The following ATP2C1 variants were observed in gnomAD, a reference collection of about 807,000 sequenced individuals.
ATP2C1 encodes the protein calcium-transporting ATPase type 2C member 1.
In ATP2C1, 31 loss-of-function variants were observed where a neutral mutation model predicts 120.5. The observed-to-expected ratio is 0.26, with a 90% CI of 0.19 to 0.35. The LOEUF is 0.35. Among genes scored for constraint, ATP2C1 ranks in the 10% least tolerant of loss-of-function variants. The pLI, the probability that ATP2C1 is intolerant of heterozygous loss-of-function variation, is 1.00. For synonymous variants in ATP2C1, 351 were observed against 358.7 expected, an observed-to-expected ratio of 0.98 and a Z score of 0.24; for missense variants, 731 against 1,107.5, an observed-to-expected ratio of 0.66 and a Z score of 4.83.
chr3:130,941,059 T>C (rs1011804244), intron 7 of ATP2C1, among the ~76,000 whole-genome samples: 4 of 151,604 alleles, frequency 2.6e-5, no homozygotes, highest in Non-Finnish European at 5.9e-5. Flanking sequence ...GGACTACAGG[T>C]GCCTGCCACC....
chr3:130,870,356 C>G (rs1423693870), intron 1 of ATP2C1, among the ~76,000 whole-genome samples: 1 of 152,180 alleles, frequency 6.6e-6, no homozygotes, highest in Non-Finnish European at 1.5e-5. Context: ...TTTCATAAGG[C>G]TATAGCTACC....
chr3:130,988,856 C>T (rs1486216815), intron 20 of ATP2C1, among the ~76,000 whole-genome samples: 1 of 152,176 alleles, frequency 6.6e-6, no homozygotes, highest in Non-Finnish European at 1.5e-5. Flanking sequence ...GACCAAGTCT[C>T]CACTTCAGTC....
intron 2 of ATP2C1, among the ~76,000 whole-genome samples, chr3:130,926,703 C>G (rs904280087): frequency 1.3e-5 from 2 of 152,268 alleles, no homozygotes; most frequent in Non-Finnish European, 2.9e-5. Context: ...TTATCACACA[C>G]ACTCACGCTC....
rs756019367 is a variant in ATP2C1, at chr3:130,987,107, T to TA, written c.1840-5829dup. Among the ~76,000 whole-genome samples the TA allele has an allele frequency of 2.4e-3, 325 of 137,052 alleles. 1 individual carries two copies. The highest frequency in any genetic ancestry group is 2.9e-3 in the South Asian group (12 of 4,188). 89.9% of individuals were successfully genotyped at this position (137,052 alleles called of 152,430 possible). On this transcript the variant is annotated intron_variant, in intron 20 of 27. Coordinates refer to ENST00000510168, the MANE Select transcript of ATP2C1 (RefSeq NM_001378687.1). ...GTGCTCACCACTATGCTTGGGTAAT[T>TA]AAAAAAAAAAAAAAAGAAAGAAAAT...
chr3:130,912,638 C>CT (rs1209353096), intron 2 of ATP2C1, among the ~76,000 whole-genome samples: 3 of 137,772 alleles, frequency 2.2e-5, no homozygotes, highest in East Asian at 2.2e-4. Context: ...AATAGGAACA[C>CT]TTTTACACTG....
intron 1 of ATP2C1, among the ~76,000 whole-genome samples, chr3:130,879,270 T>C (rs554697450): frequency 1.3e-5 from 2 of 152,270 alleles, no homozygotes; most frequent in South Asian, 2.1e-4. Context: ...CGTTTCTCCA[T>C]GTTGGCCAGG....
At chr3:130,982,490 A>G (rs1480434767) in intron 20 of ATP2C1, among the ~76,000 whole-genome samples, 1 of 152,214 alleles carries the variant, frequency 6.6e-6, no homozygotes, top group African/African-American at 2.4e-5. Flanking sequence ...GAAGTGCCCC[A>G]TAAGAGGTGG....
chr3:130,867,609 T>C (rs989705466), intron 1 of ATP2C1, among the ~76,000 whole-genome samples: 1 of 151,450 alleles, frequency 6.6e-6, no homozygotes, highest in African/African-American at 2.4e-5. Flanking sequence ...GTGCCCAGGC[T>C]GGAGTGCAGT....
Position 130,959,338 on chromosome 3 carries a change from T to A in ATP2C1, c.896T>A (p.Val299Glu). 6.2e-7 allele frequency: 1 copy of A among 1,600,946 alleles called. No individual in the cohort carries two copies. The highest frequency in any genetic ancestry group is 8.6e-7 in the Non-Finnish European group (1 of 1,168,682). The change falls in exon 12 of 28, where the codon GTA (valine) becomes GAA (glutamate). Residue 299 changes from valine (V) to glutamate (E), a missense_variant. Coordinates refer to ENST00000510168, the MANE Select transcript of ATP2C1 (RefSeq NM_001378687.1). ...KDILEMFTISVSLAVAAIPEG... is the reference protein window; with the variant it reads ...KDILEMFTISESLAVAAIPEG... ...ATCCTGGAAATGTTTACTATTAGTG[T>A]AAGGTAAGTCTCAATACTTTATAAT...
chr3:130,939,383 G>A (rs1353032421), intron 6 of ATP2C1, among the ~76,000 whole-genome samples: 3 of 151,998 alleles, frequency 2.0e-5, no homozygotes, highest in Non-Finnish European at 2.9e-5. Context: ...CTTCTTCCCA[G>A]CCATAAAAAT....
intron 2 of ATP2C1, among the ~76,000 whole-genome samples, chr3:130,902,404 G>A (rs1036734677): frequency 7.3e-6 from 1 of 136,456 alleles, no homozygotes; most frequent in East Asian, 2.4e-4. Flanking sequence ...ATCAAATTAT[G>A]ATTTTGATTA....
chr3:131,013,949 C>T (rs919407963), intron 26 of ATP2C1: 1 of 686,964 alleles, frequency 1.5e-6, no homozygotes, highest in Non-Finnish European at 2.3e-6. Context: ...GATGTTTATC[C>T]CCTAACAGGT....
chr3:130,944,104 G>T lies in ATP2C1; in HGVS notation c.531+2405G>T, dbSNP rs143068449. On this transcript the variant is annotated intron_variant, in intron 8 of 27. Transcript: ENST00000510168. ...TCCAAAGCACATAGATTTCACTTTA[G>T]AGAAAGCAAGTCTGTGAACTTCTGC... Among the ~76,000 whole-genome samples, 460 of 152,312 alleles carry T rather than the reference G, an allele frequency of 3.0e-3. 4 individuals are homozygous for T. Among genetic ancestry groups the T allele is most frequent in the African/African-American group, 0.01 (433 of 41,554 alleles).
intron 11 of ATP2C1, among the ~76,000 whole-genome samples, chr3:130,958,878 A>G (rs1480709423): frequency 6.6e-6 from 1 of 152,128 alleles, no homozygotes; most frequent in Non-Finnish European, 1.5e-5. Flanking sequence ...TTAGGGTTTA[A>G]TTTTGCATAT....
intron 20 of ATP2C1, among the ~76,000 whole-genome samples, chr3:130,992,070 T>C (rs970532860): frequency 7.2e-5 from 11 of 152,204 alleles, no homozygotes; most frequent in Non-Finnish European, 1.5e-4. Context: ...AAAATCATTG[T>C]GAAATGAGGG....
At chr3:130,929,166 C>T (rs1204526674) in intron 2 of ATP2C1, among the ~76,000 whole-genome samples, 3 of 152,040 alleles carry the variant, frequency 2.0e-5, no homozygotes, top group East Asian at 1.9e-4. Context: ...ATTTATTCAC[C>T]GATATCTCCT....
At chr3:130,982,793 A>G (rs2061828083) in intron 20 of ATP2C1, among the ~76,000 whole-genome samples, 2 of 152,144 alleles carry the variant, frequency 1.3e-5, no homozygotes, top group Non-Finnish European at 2.9e-5. Context: ...CATTAGTGGT[A>G]TATGTTCAAC....
chr3:130,947,656 A>C (rs2060207765), intron 8 of ATP2C1, among the ~76,000 whole-genome samples: 1 of 152,190 alleles, frequency 6.6e-6, no homozygotes, highest in African/African-American at 2.4e-5. Context: ...TAGTTGGTGA[A>C]TTTAATCCAT....
rs199794756 is a variant in ATP2C1, at chr3:130,884,300, CG to C, written c.108+33373del. ...TCAGGAGCATATTGTTGAATTTCCACGTATCTGTATAGTTTTCAAAATTCCT... is the reference window on the plus strand; with the variant it reads ...TCAGGAGCATATTGTTGAATTTCCACTATCTGTATAGTTTTCAAAATTCCT... On this transcript the variant is annotated intron_variant, in intron 1 of 26. Transcript: ENST00000504381. Among the ~76,000 whole-genome samples, 5 of 152,272 alleles carry C rather than the reference CG, an allele frequency of 3.3e-5. No individual in the cohort carries two copies. In the East Asian group the frequency reaches 7.7e-4, roughly 23 times the overall value.
Sources: gnomAD v4.1 joint callset for allele counts (sites outside exome capture counted in the v4.1 genomes callset) on GRCh38, gnomAD v4.1.1 for gene constraint, MANE v1.5 for transcripts, NCBI Gene and HGNC (gene_info 2026-07-23, HGNC 2026-07-21) for gene names.